The following ZNF215 variants were observed in gnomAD, a reference collection of about 807,000 sequenced individuals.
ZNF215 encodes zinc finger protein 215.
Under a neutral mutation model 27.2 loss-of-function variants are expected in ZNF215, and 24 were observed. The ratio of observed to expected loss-of-function variants is 0.88; its 90% CI spans 0.64 to 1.24. The LOEUF is 1.24. ZNF215 is among the 50% of genes most tolerant of loss of function. The pLI is 0.00. For missense variants in ZNF215, 675 were observed against 605.7 expected, an observed-to-expected ratio of 1.11 and a Z score of -1.20; for synonymous variants, 210 against 204.0, an observed-to-expected ratio of 1.03 and a Z score of -0.25.
chr11:6,993,532 A>G (rs1042379992), downstream of ZNF215, among the ~76,000 whole-genome samples: 2 of 150,934 alleles, frequency 1.3e-5, no homozygotes, highest in African/African-American at 4.9e-5. Flanking sequence ...ACCCCCTCTC[A>G]CTTACCCTTC....
intron 5 of ZNF215, among the ~76,000 whole-genome samples, chr11:6,983,798 A>G (rs1176124560): frequency 6.6e-6 from 1 of 152,158 alleles, no homozygotes; most frequent in African/African-American, 2.4e-5. Context: ...TATCTCTAAC[A>G]TAAAAAGCTG....
intron 4 of ZNF215, among the ~76,000 whole-genome samples, chr11:6,942,697 T>A (rs1849671427): frequency 6.6e-6 from 1 of 152,210 alleles, no homozygotes; most frequent in South Asian, 2.1e-4. Flanking sequence ...TACATTTTCA[T>A]TACAAATCTC....
chr11:6,935,847 A>T (rs962262978), intron 3 of ZNF215, among the ~76,000 whole-genome samples: 1 of 152,172 alleles, frequency 6.6e-6, no homozygotes, highest in East Asian at 1.9e-4. Flanking sequence ...TTGACATCTC[A>T]TGAAGTATCT....
intron 3 of ZNF215, among the ~76,000 whole-genome samples, chr11:6,940,157 C>G (rs879486513): frequency 7.3e-5 from 11 of 151,234 alleles, no homozygotes; most frequent in Non-Finnish European, 1.2e-4. Context: ...TGGTTGAGGC[C>G]AGGAGTTTGA....
intron 6 of ZNF215, among the ~76,000 whole-genome samples, chr11:6,949,579 G>C (rs1028621263): frequency 7.4e-6 from 1 of 134,884 alleles, no homozygotes; most frequent in Non-Finnish European, 1.6e-5. Context: ...TGATGGCGTT[G>C]TTTGTTTTTT....
At chr11:6,947,320 A>T (rs546281709) in intron 6 of ZNF215, among the ~76,000 whole-genome samples, 2 of 152,286 alleles carry the variant, frequency 1.3e-5, no homozygotes, top group South Asian at 4.2e-4. Context: ...CATGATGTAG[A>T]CTTTGCCAAG....
chr11:6,955,580 A>T lies in ZNF215; in HGVS notation c.713-110A>T, dbSNP rs183795665. Reference sequence around the variant, plus strand: ...TTTTCTAACCTTGCCTCACATTTCCATTCTGTATTTAAGACCCGTGGTATA... The same window carrying T: ...TTTTCTAACCTTGCCTCACATTTCCTTTCTGTATTTAAGACCCGTGGTATA... On this transcript the variant is annotated intron_variant, in intron 6 of 6. Transcript: ENST00000278319. 4.4e-4 allele frequency: 511 copies of T among 1,160,442 alleles called. 2 individuals carry two copies. The highest frequency in any genetic ancestry group is 6.2e-4 in the Admixed American group (22 of 35,408). 71.9% of individuals were successfully genotyped at this position (1,160,442 alleles called of 1,614,324 possible).
At position 6,956,663 on chromosome 11, in the gene ZNF215, C is replaced by G; in HGVS notation, c.*132C>G. ...TCAGATTTTTCTTTAAATGATATCA[C>G]AGAATTAATGTTGGATAGAAATATC... On this transcript the variant is annotated 3_prime_UTR_variant, in exon 7 of 7. Transcript: ENST00000278319. 7.1e-7 allele frequency: 1 copy of G among 1,402,304 alleles called. No individual in the cohort carries two copies. Among genetic ancestry groups the G allele is most frequent in the Non-Finnish European group, 9.2e-7 (1 of 1,086,008 alleles). The allele number at this position is 1,402,304 out of a possible 1,614,324, so 86.9% of individuals were successfully genotyped here. A position where few individuals can be genotyped will look rare whatever the true frequency, so the allele number is the denominator to read the frequency against.
chr11:6,990,461 A>G (rs191919566), downstream of ZNF215, among the ~76,000 whole-genome samples: 358 of 152,362 alleles, frequency 2.3e-3, 2 homozygotes, highest in Middle Eastern at 0.01. Flanking sequence ...ATGTATTAAA[A>G]ATGCTTTGAA....
downstream of ZNF215, among the ~76,000 whole-genome samples, chr11:6,987,640 C>T (rs1422826697): frequency 6.6e-6 from 1 of 152,160 alleles, no homozygotes; most frequent in Admixed American, 6.5e-5. Flanking sequence ...GAGCCAGTTG[C>T]CCTGCAGCTT....
intron 6 of ZNF215, among the ~76,000 whole-genome samples, chr11:6,950,013 T>C (rs1417812585): frequency 1.3e-5 from 2 of 151,896 alleles, no homozygotes; most frequent in Non-Finnish European, 2.9e-5. Flanking sequence ...TGCTTGTTTT[T>C]GTCAGGTTTG....
At position 6,973,960 on chromosome 11, in the gene ZNF215, G is replaced by C. The variant is rs189033235; in HGVS notation, c.806-10169G>C. The stretch of plus-strand genomic sequence containing the variant: ...TTGCTTTTGGTGTTTTAGACATGAA[G>C]TCCTTGCCCATTTCTATGTACTGAA... On this transcript the variant is annotated intron_variant, in intron 5 of 5. Coordinates refer to the ZNF215 transcript ENST00000529903. Among the ~76,000 whole-genome samples the C allele has an allele frequency of 4.6e-5, 7 of 152,270 alleles. No homozygotes were observed. The East Asian group carries it at 1.2e-3, about 25-fold the overall frequency.
At chr11:6,983,982 C>G (rs1851011994) in intron 5 of ZNF215, 2 of 230,980 alleles carry the variant, frequency 8.7e-6, no homozygotes, top group Non-Finnish European at 1.7e-5. Flanking sequence ...TCTTATGAGA[C>G]TAAACGCCTA....
chr11:6,930,365 T>C (rs58508715), intron 2 of ZNF215, among the ~76,000 whole-genome samples: 11,977 of 152,246 alleles, frequency 0.079, 685 homozygotes, highest in African/African-American at 0.17. Flanking sequence ...TCTGTAAATA[T>C]TTATGTAACC....
intron 3 of ZNF215, among the ~76,000 whole-genome samples, chr11:6,932,958 A>T (rs1282834103): frequency 6.6e-6 from 1 of 152,216 alleles, no homozygotes; most frequent in Non-Finnish European, 1.5e-5. Context: ...ATATTTTTTA[A>T]AATAAAGTAT....
intron 6 of ZNF215, among the ~76,000 whole-genome samples, chr11:6,948,221 A>G (rs576337343): frequency 6.6e-6 from 1 of 152,238 alleles, no homozygotes; most frequent in South Asian, 2.1e-4. Flanking sequence ...TGCAAAATAT[A>G]TTTACTCTCT....
chr11:6,940,286 T>C (rs931295893), intron 3 of ZNF215, among the ~76,000 whole-genome samples: 2 of 151,368 alleles, frequency 1.3e-5, no homozygotes, highest in African/African-American at 2.4e-5. Context: ...TCACACGGTA[T>C]GTTGCTGAGA....
At chr11:6,989,570 G>A (rs1262640065), downstream of ZNF215, among the ~76,000 whole-genome samples, 1 of 152,140 alleles carries the variant, frequency 6.6e-6, no homozygotes, top group African/African-American at 2.4e-5. Flanking sequence ...GAGGGAAATG[G>A]TATGTTTGAG....
downstream of ZNF215, among the ~76,000 whole-genome samples, chr11:6,993,011 A>G (rs1409577187): frequency 6.6e-6 from 1 of 152,240 alleles, no homozygotes; most frequent in Non-Finnish European, 1.5e-5. Context: ...AACAATGTAT[A>G]CTTTTACGAT....
Sources: gnomAD v4.1 joint callset for allele counts (sites outside exome capture counted in the v4.1 genomes callset) on GRCh38, gnomAD v4.1.1 for gene constraint, MANE v1.5 for transcripts, NCBI Gene and HGNC (gene_info 2026-07-23, HGNC 2026-07-21) for gene names.